Variants in CAST observed in about 807,000 individuals in gnomAD.
CAST encodes calpastatin, also known as MIR583 host.
Under a neutral mutation model 119.6 loss-of-function variants are expected in CAST, and 76 were observed. The observed-to-expected ratio is 0.64, with a 90% CI of 0.53 to 0.77. The LOEUF (loss-of-function observed/expected upper bound fraction) is 0.77. Among genes scored for constraint, CAST ranks in the 30% least tolerant of loss-of-function variants. CAST has a pLI of 0.00. For synonymous variants in CAST, 319 were observed against 331.6 expected (o/e 0.96, Z 0.41); for missense variants, 953 against 946.5 (o/e 1.01, Z -0.09).
At chr5:96,528,111 A>G (rs911100633), upstream of CAST, among the ~76,000 whole-genome samples, 2 of 152,204 alleles carry the variant, frequency 1.3e-5, no homozygotes, top group Non-Finnish European at 2.9e-5. Flanking sequence ...AAGTTTATGC[A>G]CATTTTCAGA....
chr5:96,753,144 C>T (rs1452855498), intron 20 of CAST, among the ~76,000 whole-genome samples: 1 of 151,970 alleles, frequency 6.6e-6, no homozygotes, highest in East Asian at 1.9e-4. Flanking sequence ...CAGGCATGCA[C>T]CATCATGCCT....
At chr5:96,720,415 G>T (rs7736193) in intron 3 of CAST, among the ~76,000 whole-genome samples, 41,349 of 152,168 alleles carry the variant, frequency 0.27, 6,275 homozygotes, top group Non-Finnish European at 0.35. Context: ...ATTGAAAGTT[G>T]CTTGTCTTTA....
chr5:96,517,818 A>G, the CAST span, among the ~76,000 whole-genome samples: 17 of 152,352 alleles, frequency 1.1e-4, no homozygotes, highest in African/African-American at 4.1e-4. Context: ...TTGTTATAAT[A>G]ACAAGTTCTA....
the CAST span, among the ~76,000 whole-genome samples, chr5:96,238,160 A>G: frequency 1.6e-3 from 247 of 152,180 alleles, 1 homozygote; most frequent in African/African-American, 5.6e-3. Flanking sequence ...CCTTTGAGAC[A>G]TTCTTTTAGG....
chr5:96,736,600 C>T (rs1473176992), intron 10 of CAST, among the ~76,000 whole-genome samples: 1 of 151,744 alleles, frequency 6.6e-6, no homozygotes, highest in Non-Finnish European at 1.5e-5. Flanking sequence ...CAGTGTAAGC[C>T]TAACAGCCTT....
chr5:96,234,753 T>TA, the CAST span, among the ~76,000 whole-genome samples: 6 of 152,306 alleles, frequency 3.9e-5, no homozygotes, highest in Middle Eastern at 3.4e-3. Flanking sequence ...CCAGCAGACT[T>TA]ACGTTTATAT....
chr5:96,663,054 T>C (rs1348772317), intron 1 of CAST: 2 of 699,834 alleles, frequency 2.9e-6, no homozygotes, highest in Middle Eastern at 2.4e-4. Context: ...CCAAGCGGAG[T>C]GTGAGCCCGG....
intron 1 of CAST, among the ~76,000 whole-genome samples, chr5:96,543,520 A>C: frequency 1.3e-5 from 2 of 152,338 alleles, no homozygotes; most frequent in Middle Eastern, 6.8e-3. Context: ...CACATTCTGC[A>C]CATGTACCCC....
intron 1 of CAST, among the ~76,000 whole-genome samples, chr5:96,607,984 A>G (rs552556387): frequency 6.6e-6 from 1 of 152,174 alleles, no homozygotes; most frequent in Non-Finnish European, 1.5e-5. Context: ...CCTCTCTTCC[A>G]GCTATTTTGA....
the CAST span, among the ~76,000 whole-genome samples, chr5:96,123,884 T>A: frequency 1.8e-4 from 27 of 150,994 alleles, no homozygotes; most frequent in Admixed American, 1.4e-3. Flanking sequence ...TTGCTTAGAT[T>A]TTTTTTCCCC....
At chr5:96,735,278 A>G (rs151835) in intron 9 of CAST, among the ~76,000 whole-genome samples, 108,272 of 152,172 alleles carry the variant, frequency 0.71, 38,653 homozygotes, top group Admixed American at 0.78. Context: ...GCAGCCATGC[A>G]TGTCTCAACT....
At chr5:96,534,767 A>G (rs1282128399) in intron 1 of CAST, among the ~76,000 whole-genome samples, 17 of 119,666 alleles carry the variant, frequency 1.4e-4, no homozygotes, top group Middle Eastern at 4.0e-3. Context: ...GAAAGAAAGA[A>G]AGAAAGAAAG....
the CAST span, among the ~76,000 whole-genome samples, chr5:96,248,531 T>C: frequency 6.6e-6 from 1 of 152,204 alleles, no homozygotes; most frequent in East Asian, 1.9e-4. Context: ...AGTGGCAAGA[T>C]GGGATAAAAC....
chr5:96,060,758 T>C, the CAST span, among the ~76,000 whole-genome samples: 1 of 152,180 alleles, frequency 6.6e-6, no homozygotes, highest in African/African-American at 2.4e-5. Flanking sequence ...AAAGATACCA[T>C]GTGGAGTTTG....
chr5:96,534,408 A>ACGCT (rs1180480427), intron 1 of CAST, among the ~76,000 whole-genome samples: 1 of 43,940 alleles, frequency 2.3e-5, no homozygotes, highest in Non-Finnish European at 5.1e-5. Flanking sequence ...AAAGAAAAAT[A>ACGCT]GGCTGTAATC....
chr5:95,994,183 A>G, the CAST span, among the ~76,000 whole-genome samples: 4 of 152,198 alleles, frequency 2.6e-5, no homozygotes, highest in South Asian at 2.1e-4. Flanking sequence ...TCCAAGAGAA[A>G]TGAAAATATG....
the CAST span, among the ~76,000 whole-genome samples, chr5:96,146,794 C>T: frequency 6.6e-6 from 1 of 152,172 alleles, no homozygotes; most frequent in Non-Finnish European, 1.5e-5. Flanking sequence ...TTCATTGTGA[C>T]TCAGCAGCTT....
At chr5:96,629,781 T>C (rs1011014420) in intron 1 of CAST, among the ~76,000 whole-genome samples, 1 of 152,260 alleles carries the variant, frequency 6.6e-6, no homozygotes, top group Non-Finnish European at 1.5e-5. Context: ...GGAGAAATGT[T>C]TTCTTCATCA....
the CAST span, among the ~76,000 whole-genome samples, chr5:96,027,239 G>A: frequency 6.6e-6 from 1 of 151,960 alleles, no homozygotes; most frequent in East Asian, 1.9e-4. Context: ...TATGCTTAAA[G>A]TGTGGTATCA....
Sources: allele counts gnomAD v4.1 joint callset (sites outside exome capture counted in the v4.1 genomes callset), GRCh38; gene constraint gnomAD v4.1.1; transcripts MANE v1.5; gene names NCBI Gene and HGNC (gene_info 2026-07-23, HGNC 2026-07-21).